The following ZNF407 variants were observed in gnomAD, a reference collection of about 807,000 sequenced individuals.
The protein encoded by ZNF407 is zinc finger protein 407.
Under a neutral mutation model 131.2 loss-of-function variants are expected in ZNF407, and 17 were observed. That is an observed-to-expected ratio of 0.13 (90% CI 0.09 to 0.19). The LOEUF is 0.19. Among genes scored for constraint, ZNF407 ranks in the 10% least tolerant of loss-of-function variants. The probability of loss-of-function intolerance (pLI) is 1.00; values close to 1 mark genes in which losing one functional copy is unlikely to be tolerated. For missense variants in ZNF407, 2,681 were observed against 2,830.6 expected, an observed-to-expected ratio of 0.95 and a Z score of 1.20; for synonymous variants, 1,156 against 1,062.0, an observed-to-expected ratio of 1.09 and a Z score of -1.72.
Position 74,743,180 on chromosome 18 carries a change from A to G in ZNF407, c.4803-38248A>G, listed in dbSNP as rs74451190. Among the ~76,000 whole-genome samples, 6 of 152,294 alleles carry G rather than the reference A, an allele frequency of 3.9e-5. No homozygotes were observed. The East Asian group carries it at 1.2e-3, about 29-fold the overall frequency. On this transcript the variant is annotated intron_variant, in intron 3 of 8. Coordinates refer to ENST00000299687, the MANE Select transcript of ZNF407 (RefSeq NM_017757.3). The stretch of plus-strand genomic sequence containing the variant: ...GGAGAAGAAGCAAGTTACAGGGGTT[A>G]GGGATTACAATGTGGGAGGGAAGGT...
chr18:74,797,043 C>CA (rs1969932987), intron 4 of ZNF407, among the ~76,000 whole-genome samples: 1 of 152,170 alleles, frequency 6.6e-6, no homozygotes, highest in South Asian at 2.1e-4. Context: ...CGAGAAGAAG[C>CA]AATTGCAAAC....
At chr18:74,964,626 C>G (rs925067690) in intron 8 of ZNF407, among the ~76,000 whole-genome samples, 5 of 145,364 alleles carry the variant, frequency 3.4e-5, no homozygotes, top group Non-Finnish European at 6.0e-5. Context: ...ATATTATAAC[C>G]AAACTTTTAA....
intron 4 of ZNF407, among the ~76,000 whole-genome samples, chr18:74,794,198 C>T (rs989438814): frequency 9.2e-5 from 14 of 152,144 alleles, no homozygotes; most frequent in Non-Finnish European, 1.9e-4. Context: ...GCCTCTCTGC[C>T]GCATACATGA....
At chr18:74,902,312 A>G (rs1424191722) in intron 7 of ZNF407, among the ~76,000 whole-genome samples, 1 of 152,218 alleles carries the variant, frequency 6.6e-6, no homozygotes, top group Non-Finnish European at 1.5e-5. Flanking sequence ...CACAGCAGTT[A>G]TTCAAGTCGA....
At chr18:75,028,377 G>A (rs996446984) in intron 8 of ZNF407, among the ~76,000 whole-genome samples, 3 of 151,992 alleles carry the variant, frequency 2.0e-5, no homozygotes, top group African/African-American at 7.2e-5. Context: ...TGTCCTATGT[G>A]TTGATCTCCA....
intron 4 of ZNF407, among the ~76,000 whole-genome samples, chr18:74,787,876 A>C (rs1330827040): frequency 3.3e-5 from 5 of 152,212 alleles, no homozygotes; most frequent in African/African-American, 1.2e-4. Context: ...TAAAAGTTAC[A>C]TGTTTATTGT....
intron 6 of ZNF407, among the ~76,000 whole-genome samples, chr18:74,883,289 G>A (rs2628124): frequency 0.99 from 150,179 of 152,314 alleles, 74,070 homozygotes; most frequent in East Asian, 1. Flanking sequence ...AACTCAGTCT[G>A]GGCACTTAAC....
At chr18:74,704,486 C>T (rs144637104) in intron 3 of ZNF407, among the ~76,000 whole-genome samples, 6 of 152,172 alleles carry the variant, frequency 3.9e-5, no homozygotes, top group South Asian at 2.1e-4. Flanking sequence ...GGGCTCATGG[C>T]GAGAGGGACC....
At chr18:74,607,102 A>G (rs1029996072) in intron 1 of ZNF407, among the ~76,000 whole-genome samples, 4 of 152,234 alleles carry the variant, frequency 2.6e-5, no homozygotes, top group African/African-American at 4.8e-5. Flanking sequence ...TTGTAGAACA[A>G]GGATTAGAAG....
intron 8 of ZNF407, among the ~76,000 whole-genome samples, chr18:75,011,272 C>G (rs1468845264): frequency 6.6e-6 from 1 of 152,162 alleles, no homozygotes; most frequent in Non-Finnish European, 1.5e-5. Flanking sequence ...TGTGGACTAC[C>G]TTTCTCTGCG....
intron 3 of ZNF407, among the ~76,000 whole-genome samples, chr18:74,755,456 C>T (rs565597591): frequency 6.6e-6 from 1 of 152,056 alleles, no homozygotes; most frequent in African/African-American, 2.4e-5. Context: ...TCTTGGCATT[C>T]TTGTCACAAT....
Position 74,767,476 on chromosome 18 carries a change from C to T in ZNF407, c.4803-13952C>T, listed in dbSNP as rs1347362448. The stretch of plus-strand genomic sequence containing the variant: ...TTTTATAAACTTTTATTATTAAGTG[C>T]ATCCTATTGTGTTCTAATTTTTGTA... On this transcript the variant is annotated intron_variant, in intron 3 of 8. Transcript: ENST00000299687. Among the ~76,000 whole-genome samples the T allele has an allele frequency of 7.9e-5, 12 of 151,944 alleles. 1 individual carries two copies. Among genetic ancestry groups the T allele is most frequent in the Admixed American group, 7.9e-4 (12 of 15,268 alleles).
intron 8 of ZNF407, 24 bp downstream of exon 8, chr18:74,920,716 C>G: frequency 6.3e-7 from 1 of 1,579,358 alleles, no homozygotes; most frequent in Non-Finnish European, 8.7e-7. Flanking sequence ...ACTGTGAAAA[C>G]TTGTTTCTAA....
At chr18:74,996,648 T>C (rs997440702) in intron 8 of ZNF407, among the ~76,000 whole-genome samples, 1 of 152,170 alleles carries the variant, frequency 6.6e-6, no homozygotes, top group Non-Finnish European at 1.5e-5. Flanking sequence ...GAAGAAAATG[T>C]GAGGTTCCGA....
intron 8 of ZNF407, among the ~76,000 whole-genome samples, chr18:75,058,059 T>A (rs189476084): frequency 2.6e-5 from 4 of 152,334 alleles, no homozygotes; most frequent in African/African-American, 9.6e-5. Context: ...TACGCAGCCC[T>A]GTGCTGCTTC....
At chr18:74,892,455 C>T (rs935429967) in intron 7 of ZNF407, among the ~76,000 whole-genome samples, 4 of 152,160 alleles carry the variant, frequency 2.6e-5, no homozygotes, top group African/African-American at 9.7e-5. Flanking sequence ...CCACGTCAGT[C>T]GCTTGATGAG....
chr18:74,750,085 T>C (rs1452629247), intron 3 of ZNF407, among the ~76,000 whole-genome samples: 1 of 152,164 alleles, frequency 6.6e-6, no homozygotes, highest in African/African-American at 2.4e-5. Context: ...TGTAAGCTTC[T>C]CAGACTGGTT....
intron 5 of ZNF407, among the ~76,000 whole-genome samples, chr18:74,879,703 TAA>T (rs1971212145): frequency 6.6e-6 from 1 of 152,212 alleles, no homozygotes; most frequent in African/African-American, 2.4e-5. Flanking sequence ...CAAAAATATT[TAA>T]ATTCAGCCTT....
At chr18:74,839,981 G>T (rs575341778) in intron 4 of ZNF407, among the ~76,000 whole-genome samples, 27 of 152,076 alleles carry the variant, frequency 1.8e-4, no homozygotes, top group East Asian at 1.4e-3. Flanking sequence ...AGTTTTGTGG[G>T]GAAATTTAAT....
Sources: allele counts gnomAD v4.1 joint callset (sites outside exome capture counted in the v4.1 genomes callset), GRCh38; gene constraint gnomAD v4.1.1; transcripts MANE v1.5; gene names NCBI Gene and HGNC (gene_info 2026-07-23, HGNC 2026-07-21).